FXYD1: variants seen among roughly 807,000 people sequenced by gnomAD.
FXYD1 encodes the protein phospholemman.
A neutral mutation model predicts 17.2 loss-of-function variants in FXYD1; 9 were observed. That is an observed-to-expected ratio of 0.52 (90% CI 0.32 to 0.91). The LOEUF is 0.91. Among genes scored for constraint, FXYD1 ranks in the 40% least tolerant of loss-of-function variants. The pLI is 0.04. For missense variants in FXYD1, 113 were observed against 120.6 expected, an observed-to-expected ratio of 0.94 and a Z score of 0.29; for synonymous variants, 55 against 45.8, an observed-to-expected ratio of 1.20 and a Z score of -0.81.
At chr19:35,138,928 A>T (rs937415435) in intron 1 of FXYD1, 34 bp downstream of exon 1, 6 of 152,230 alleles carry the variant, frequency 3.9e-5, no homozygotes, top group African/African-American at 1.4e-4. Flanking sequence ...TCCAGGCCTC[A>T]CCCCTGGTCT....
At chr19:35,139,981 C>A in intron 1 of FXYD1, 95 bp from the exon 2 acceptor site, 1 of 1,063,002 alleles carries the variant, frequency 9.4e-7, no homozygotes, top group Non-Finnish European at 1.5e-6. Context: ...TTCTGTGATT[C>A]AGTCCCCAGA....
chr19:35,141,083 C>G lies in FXYD1; in HGVS notation c.95-49C>G, dbSNP rs764066369. On this transcript the variant is annotated intron_variant, in intron 3 of 7. Transcript: ENST00000351325. ...CTTCCCAATTTACCCCTCTCCTATT[C>G]TCCCTCCTGTCTTCCCTGCCCTCAC... 6.9e-6 allele frequency: 8 copies of G among 1,161,226 alleles called. No individual in the cohort carries two copies. In the East Asian group the frequency reaches 1.9e-4, roughly 27 times the overall value. 71.9% of individuals were successfully genotyped at this position (1,161,226 alleles called of 1,614,324 possible).
intron 1 of FXYD1, chr19:35,139,752 C>T (rs1430833852): frequency 3.1e-6 from 1 of 326,456 alleles, no homozygotes; most frequent in Non-Finnish European, 5.9e-6. Context: ...GGCAGCGCCT[C>T]CTCTGCCCTG....
intron 2 of FXYD1, 142 bp downstream of exon 2, chr19:35,140,282 C>T (rs2065239737): frequency 1.5e-6 from 1 of 666,838 alleles, no homozygotes. Flanking sequence ...GGGGTCCAGT[C>T]ACAGGCTGGT....
At position 35,141,533 on chromosome 19, in the gene FXYD1, C is replaced by T. The variant is rs748936086; in HGVS notation, c.170-3C>T. On this transcript the variant is annotated splice_polypyrimidine_tract_variant and splice_region_variant and intron_variant, in intron 4 of 7. Coordinates refer to ENST00000351325, the MANE Select transcript of FXYD1 (RefSeq NM_021902.4). ...AGCTTCTCCTACCTCTCCACGCCCA[C>T]AGGCAGAAGATGCCGGTGCAAGTTC... 5.6e-6 allele frequency: 9 copies of T among 1,610,058 alleles called. No individual in the cohort carries two copies. Among genetic ancestry groups the T allele is most frequent in the Non-Finnish European group, 7.6e-6 (9 of 1,178,204 alleles).
chr19:35,142,603 GAGGGA>G, intron 6 of FXYD1, 82 bp downstream of exon 6: 2 of 1,535,088 alleles, frequency 1.3e-6, no homozygotes, highest in East Asian at 4.5e-5. Context: ...TGGCTGCGTA[GAGGGA>G]AGGGCTGGAT....
At chr19:35,142,159 G>A (rs2065262279) in intron 5 of FXYD1, 1 of 327,902 alleles carries the variant, frequency 3.0e-6, no homozygotes, top group Non-Finnish European at 5.5e-6. Flanking sequence ...GGAAGATGGG[G>A]GGTTCTGGGT....
intron 5 of FXYD1, chr19:35,142,263 T>G: frequency 2.1e-5 from 9 of 434,076 alleles, no homozygotes; most frequent in Non-Finnish European, 3.7e-5. Flanking sequence ...TCCGCGGAGG[T>G]ACTCACTGTT....
At chr19:35,137,819 C>G (rs968573659), upstream of FXYD1, 1 of 152,152 alleles carries the variant, frequency 6.6e-6, no homozygotes, top group East Asian at 1.9e-4. Context: ...TTAGTAGAGA[C>G]GAGCTCTCGT....
chr19:35,141,424 C>T (rs768260020), intron 4 of FXYD1, 112 bp from the exon 5 acceptor site: 460 of 921,160 alleles, frequency 5.0e-4, no homozygotes, highest in Non-Finnish European at 6.5e-4. Context: ...TCGCCTCTAG[C>T]CCCGCCCCGT....
intron 5 of FXYD1, chr19:35,142,239 TCCCTGC>T: frequency 2.2e-6 from 1 of 453,276 alleles, no homozygotes; most frequent in Non-Finnish European, 3.9e-6. Flanking sequence ...CAACTTCACA[TCCCTGC>T]CCCCAAATCC....
At chr19:35,140,836 TTC>T in intron 3 of FXYD1, 1 of 596,632 alleles carries the variant, frequency 1.7e-6, no homozygotes, top group Non-Finnish European at 3.0e-6. Context: ...ACCTCTCTGG[TTC>T]TCTTTCTCTT....
chr19:35,142,924 CT>C lies in FXYD1; in HGVS notation c.*38del. ...CCCTTTTCACCCTCACAGGACTCCCCTGGCACCTGACATCTCCCACGCTCCA... is the reference window on the plus strand; with the variant it reads ...CCCTTTTCACCCTCACAGGACTCCCCGGCACCTGACATCTCCCACGCTCCA... On this transcript the variant is annotated 3_prime_UTR_variant, in exon 8 of 8. Transcript: ENST00000351325. 3.2e-6 allele frequency: 2 copies of C among 630,520 alleles called. No individual in the cohort carries two copies. Among genetic ancestry groups the C allele is most frequent in the Non-Finnish European group, 5.7e-6 (2 of 349,980 alleles). 39.1% of individuals were successfully genotyped at this position (630,520 alleles called of 1,614,324 possible).
chr19:35,140,047 C>T, intron 1 of FXYD1, 29 bp from the exon 2 acceptor site: 1 of 1,607,212 alleles, frequency 6.2e-7, no homozygotes, highest in Non-Finnish European at 8.5e-7. Context: ...CAAGGGCACA[C>T]ACTGCCTAAT....
At chr19:35,140,183 G>A (rs1259279315) in intron 2 of FXYD1, 43 bp downstream of exon 2, 1 of 1,131,034 alleles carries the variant, frequency 8.8e-7, no homozygotes, top group Admixed American at 1.7e-5. Flanking sequence ...TCAGCCCCAG[G>A]GGTGGCGGTG....
intron 4 of FXYD1, 39 bp from the exon 5 acceptor site, chr19:35,141,497 G>C (rs1401036705): frequency 1.3e-6 from 2 of 1,580,590 alleles, no homozygotes; most frequent in Non-Finnish European, 1.7e-6. Flanking sequence ...CGCCCGCCGG[G>C]AGGGAGCCTC....
chr19:35,140,069 C>T lies in FXYD1; in HGVS notation c.-4-7C>T, dbSNP rs184548804. The T allele has an allele frequency of 2.0e-4, 330 of 1,612,352 alleles. 1 individual carries two copies. In the African/African-American group the frequency reaches 4.1e-3, roughly 20 times the overall value. On this transcript the variant is annotated splice_polypyrimidine_tract_variant and splice_region_variant and intron_variant, in intron 1 of 7. Coordinates refer to ENST00000351325, the MANE Select transcript of FXYD1 (RefSeq NM_021902.4). ...ACACACTGCCTAATCCGTGGTGTCC[C>T]CCCCAGGACAATGGCGTCTCTTGGC...
rs747541130 is a variant in FXYD1 at position 35,141,132 on chromosome 19, A to C, written c.95A>C (p.Asp32Ala). ...ACCTTCCCTGCTCTGCTGCTCACAGACTACCAGTCCCTGCAGATCGGAGGC... is the reference window on the plus strand; with the variant it reads ...ACCTTCCCTGCTCTGCTGCTCACAGCCTACCAGTCCCTGCAGATCGGAGGC... ...SPKEHDPFTY[D>A]YQSLQIGGLV... The change falls in exon 4 of 8, where the codon GAC becomes GCC. Residue 32 changes from aspartate (D) to alanine (A), a missense_variant and splice_region_variant. Physicochemically the swap from Asp to Ala is moderately radical, Grantham distance 126. Coordinates refer to ENST00000351325, the MANE Select transcript of FXYD1 (RefSeq NM_021902.4). 8 of 1,600,136 alleles carry C rather than the reference A, an allele frequency of 5.0e-6. No individual in the cohort carries two copies. The highest frequency in any genetic ancestry group is 6.8e-6 in the Non-Finnish European group (8 of 1,168,400).
At chr19:35,137,485 C>T (rs191819947), upstream of FXYD1, among the ~76,000 whole-genome samples, 339 of 152,254 alleles carry the variant, frequency 2.2e-3, 1 homozygote, top group Admixed American at 3.8e-3. Context: ...TGTGTGAGAG[C>T]GGCGGGTTGT....
Sources: gnomAD v4.1 joint callset for allele counts (sites outside exome capture counted in the v4.1 genomes callset) on GRCh38, gnomAD v4.1.1 for gene constraint, MANE v1.5 for transcripts, NCBI Gene and HGNC (gene_info 2026-07-23, HGNC 2026-07-21) for gene names.